The following LPP variants were observed in gnomAD, a reference collection of about 807,000 sequenced individuals.
The protein encoded by LPP is lipoma-preferred partner.
In LPP, 38 loss-of-function variants were observed where a neutral mutation model predicts 60.4. That is an observed-to-expected ratio of 0.63 (90% confidence interval 0.49 to 0.83). LPP has a LOEUF of 0.83. LPP is among the 40% of genes least tolerant of loss of function. The probability of loss-of-function intolerance (pLI) is 0.00; values close to 1 mark genes in which losing one functional copy is unlikely to be tolerated. For missense variants in LPP, 902 were observed against 783.6 expected, an observed-to-expected ratio of 1.15 and a Z score of -1.80; for synonymous variants, 328 against 290.8, an observed-to-expected ratio of 1.13 and a Z score of -1.30.
At chr3:188,659,509 A>G (rs1354108201) in intron 7 of LPP, among the ~76,000 whole-genome samples, 2 of 152,188 alleles carry the variant, frequency 1.3e-5, no homozygotes, top group Middle Eastern at 3.2e-3. Context: ...TTCGGAATAT[A>G]TTTATTCAAC....
intron 8 of LPP, among the ~76,000 whole-genome samples, chr3:188,721,048 A>G (rs778256147): frequency 6.6e-6 from 1 of 152,198 alleles, no homozygotes; most frequent in African/African-American, 2.4e-5. Context: ...CCCTTTCTTC[A>G]GTCATTAGTG....
intron 8 of LPP, among the ~76,000 whole-genome samples, chr3:188,738,942 C>T (rs1449847791): frequency 6.6e-6 from 1 of 152,066 alleles, no homozygotes; most frequent in Non-Finnish European, 1.5e-5. Flanking sequence ...CTTGCCCCTG[C>T]ATATACCAAT....
intron 7 of LPP, among the ~76,000 whole-genome samples, chr3:188,666,088 A>G (rs893998965): frequency 6.6e-6 from 1 of 152,234 alleles, no homozygotes; most frequent in Admixed American, 6.5e-5. Context: ...AGATACTAAT[A>G]TCAAGGACTG....
intron 1 of LPP, among the ~76,000 whole-genome samples, chr3:188,170,777 T>C (rs760933109): frequency 6.6e-6 from 1 of 152,348 alleles, no homozygotes; most frequent in Non-Finnish European, 1.5e-5. Flanking sequence ...TTCATTCTTA[T>C]TCATCTGAAT....
rs1399938639 is a variant in LPP at position 188,182,705 on chromosome 3, G to T, written c.-190+28453G>T. Among the ~76,000 whole-genome samples, 2 of 103,194 alleles carry T rather than the reference G, an allele frequency of 1.9e-5. No individual in the cohort carries two copies. The highest frequency in any genetic ancestry group is 1.0e-4 in the Admixed American group (1 of 9,720). The allele number at this position is 103,194 out of a possible 152,430, so 67.7% of individuals were successfully genotyped here. A position where few individuals can be genotyped will look rare whatever the true frequency, so the allele number is the denominator to read the frequency against. On this transcript the variant is annotated intron_variant, in intron 1 of 11. Coordinates refer to ENST00000617246, the MANE Select transcript of LPP (RefSeq NM_001375462.1). The surrounding 1 kb of genome is among the most constrained non-coding windows in gnomAD (Gnocchi z 4.4). ...GTCCAGTGATTTTTAACCAGCTAAA[G>T]AATTGAATATATATATATAACATAT...
chr3:188,539,662 T>G (rs1262097912), intron 6 of LPP, among the ~76,000 whole-genome samples: 1 of 152,176 alleles, frequency 6.6e-6, no homozygotes, highest in Admixed American at 6.5e-5. Context: ...TGATAACACA[T>G]TTCAGAGTTG....
chr3:188,453,464 CT>C (rs892449916), intron 4 of LPP, among the ~76,000 whole-genome samples: 102 of 152,132 alleles, frequency 6.7e-4, no homozygotes, highest in African/African-American at 2.4e-3. Flanking sequence ...TTCACAATGC[CT>C]GGGGGAATAA....
chr3:188,409,417 T>C (rs1388663388), intron 4 of LPP, among the ~76,000 whole-genome samples: 1 of 152,250 alleles, frequency 6.6e-6, no homozygotes, highest in Admixed American at 6.5e-5. Flanking sequence ...AACAAAGATG[T>C]ATCCATGTAT....
intron 7 of LPP, among the ~76,000 whole-genome samples, chr3:188,696,305 C>T (rs1012476290): frequency 1.3e-5 from 2 of 152,068 alleles, no homozygotes; most frequent in Non-Finnish European, 2.9e-5. Flanking sequence ...CATAGTATAT[C>T]TTTAAGGATG....
At chr3:188,583,635 G>T (rs1836772094) in intron 6 of LPP, among the ~76,000 whole-genome samples, 1 of 152,098 alleles carries the variant, frequency 6.6e-6, no homozygotes, top group African/African-American at 2.4e-5. Flanking sequence ...GATGACCATT[G>T]ACCCGGACCG....
chr3:188,832,325 C>T (rs1349366149), intron 9 of LPP, among the ~76,000 whole-genome samples: 1 of 152,114 alleles, frequency 6.6e-6, no homozygotes, highest in East Asian at 1.9e-4. Flanking sequence ...GGACAGCTTC[C>T]AGCAGACAGC....
intron 8 of LPP, among the ~76,000 whole-genome samples, chr3:188,758,397 G>T (rs1430254105): frequency 5.3e-5 from 8 of 152,008 alleles, no homozygotes; most frequent in Admixed American, 5.2e-4. Flanking sequence ...CTGACCTCAG[G>T]TGATCCACCC....
intron 1 of LPP, among the ~76,000 whole-genome samples, chr3:188,214,773 G>A (rs1712840691): frequency 6.6e-6 from 1 of 152,112 alleles, no homozygotes; most frequent in Admixed American, 6.6e-5. Flanking sequence ...TTTTTCTGTG[G>A]TGCTGAGGGA....
intron 9 of LPP, among the ~76,000 whole-genome samples, chr3:188,817,745 C>T (rs1752855333): frequency 6.6e-6 from 1 of 152,080 alleles, no homozygotes; most frequent in South Asian, 2.1e-4. Context: ...AATGGAAAAC[C>T]AGATCCTGTG....
chr3:188,820,309 G>A (rs900514246), intron 9 of LPP, among the ~76,000 whole-genome samples: 22 of 152,012 alleles, frequency 1.4e-4, no homozygotes, highest in Non-Finnish European at 2.8e-4. Flanking sequence ...GTGTGTGTGT[G>A]TGTTCAATTG....
chr3:188,487,426 G>A (rs1483216423), intron 5 of LPP, among the ~76,000 whole-genome samples: 2 of 152,154 alleles, frequency 1.3e-5, no homozygotes, highest in African/African-American at 4.8e-5. Flanking sequence ...ATGTACTCAA[G>A]CCGTGGCTTT....
At chr3:188,391,235 C>T (rs766131202) in intron 3 of LPP, among the ~76,000 whole-genome samples, 4 of 152,172 alleles carry the variant, frequency 2.6e-5, no homozygotes, top group African/African-American at 4.8e-5. Context: ...AGACTAGATT[C>T]GGCTTTCTGC....
chr3:188,594,710 C>T (rs1580250805), intron 6 of LPP, among the ~76,000 whole-genome samples: 1 of 152,156 alleles, frequency 6.6e-6, no homozygotes, highest in East Asian at 1.9e-4. Context: ...CCAATGTGTT[C>T]TCTGAAAGGA....
intron 8 of LPP, among the ~76,000 whole-genome samples, chr3:188,738,019 C>T (rs1461051210): frequency 2.6e-5 from 4 of 152,098 alleles, no homozygotes; most frequent in Non-Finnish European, 5.9e-5. Context: ...GCCATCTTCT[C>T]CCACATACAT....
Sources: gnomAD v4.1 joint callset for allele counts (sites outside exome capture counted in the v4.1 genomes callset) on GRCh38, gnomAD v4.1.1 for gene constraint, Gnocchi (gnomAD v3.1) non-coding constraint, MANE v1.5 for transcripts, NCBI Gene and HGNC (gene_info 2026-07-23, HGNC 2026-07-21) for gene names.